The following PTGES3 variants were observed in gnomAD, a reference collection of about 807,000 sequenced individuals.
The protein encoded by PTGES3 is prostaglandin E synthase 3.
PTGES3 carries 5 observed loss-of-function variants against 29.9 expected under a neutral mutation model. The observed-to-expected ratio is 0.17, with a 90% CI of 0.09 to 0.35. The LOEUF is 0.35. Among genes scored for constraint, PTGES3 ranks in the 10% least tolerant of loss-of-function variants. PTGES3 has a pLI of 1.00. For missense variants in PTGES3, 128 were observed against 190.0 expected (o/e 0.67, Z 1.92); for synonymous variants, 49 against 57.8 (o/e 0.85, Z 0.69).
chr12:56,665,732 CCCA>C, intron 6 of PTGES3: 1 of 820,338 alleles, frequency 1.2e-6, no homozygotes, highest in Non-Finnish European at 1.5e-6. Flanking sequence ...ACCTCCGCCT[CCCA>C]GGTTCAAGCG....
intron 1 of PTGES3, 136 bp from the exon 2 acceptor site, chr12:56,673,201 A>AAC: frequency 1.8e-6 from 1 of 561,314 alleles, no homozygotes; most frequent in Non-Finnish European, 3.1e-6. Flanking sequence ...TTTTTACCCT[A>AAC]ACAGCTACAT....
At chr12:56,686,905 T>C in intron 1 of PTGES3, 2 of 397,544 alleles carry the variant, frequency 5.0e-6, no homozygotes, top group Non-Finnish European at 8.9e-6. Context: ...CTCTTCTCTC[T>C]TCTGAATGGA....
chr12:56,681,472 A>G (rs1952537959), intron 1 of PTGES3, among the ~76,000 whole-genome samples: 1 of 137,470 alleles, frequency 7.3e-6, no homozygotes, highest in South Asian at 2.5e-4. Flanking sequence ...CGGGAGGCGG[A>G]GCCTGCAGTG....
intron 1 of PTGES3, among the ~76,000 whole-genome samples, chr12:56,686,389 T>G (rs80180199): frequency 1.5e-5 from 2 of 137,152 alleles, no homozygotes; most frequent in East Asian, 4.4e-4. Flanking sequence ...TTTATTTATT[T>G]TGAGACGGGT....
At chr12:56,686,541 A>AT (rs527629277) in intron 1 of PTGES3, among the ~76,000 whole-genome samples, 161 of 151,552 alleles carry the variant, frequency 1.1e-3, no homozygotes, top group South Asian at 3.1e-3. Context: ...CGCCCGGCTA[A>AT]TTTTTTTTGT....
intron 4 of PTGES3, among the ~76,000 whole-genome samples, chr12:56,671,195 T>C (rs1382448236): frequency 6.6e-6 from 1 of 152,028 alleles, no homozygotes; most frequent in Non-Finnish European, 1.5e-5. Flanking sequence ...GCCCAGAAGT[T>C]CAAGACCAAG....
chr12:56,688,178 C>A lies in PTGES3; in HGVS notation c.-179G>T, dbSNP rs961259410. On this transcript the variant is annotated 5_prime_UTR_variant, in exon 1 of 8. Transcript: ENST00000262033. ...GCTCGACCTCGGGCCCCAGAATGCA[C>A]CGCGCGGAAAGAGCGGCTCCTCCGG... 1.5e-5 allele frequency: 18 copies of A among 1,180,090 alleles called. No homozygotes were observed. The highest frequency in any genetic ancestry group is 3.0e-4 in the Middle Eastern group (1 of 3,292). The allele number at this position is 1,180,090 out of a possible 1,614,324, so 73.1% of individuals were successfully genotyped here. A position where few individuals can be genotyped will look rare whatever the true frequency, so the allele number is the denominator to read the frequency against.
intron 1 of PTGES3, among the ~76,000 whole-genome samples, chr12:56,685,510 C>T (rs1952795338): frequency 1.3e-5 from 2 of 150,740 alleles, no homozygotes; most frequent in South Asian, 4.2e-4. Context: ...AAGCCATTCT[C>T]TTGCCTTAGC....
chr12:56,666,339 A>G (rs1277177338), intron 5 of PTGES3, 73 bp from the exon 6 acceptor site: 1 of 1,540,998 alleles, frequency 6.5e-7, no homozygotes, highest in African/African-American at 1.4e-5. Context: ...TGTATGCTTC[A>G]GAATAAACCT....
intron 1 of PTGES3, among the ~76,000 whole-genome samples, chr12:56,674,825 CAAAAAAAAAA>C (rs869222252): frequency 3.4e-3 from 55 of 16,108 alleles, no homozygotes; most frequent in East Asian, 0.012. Flanking sequence ...GACTCCATCT[CAAAAAAAAAA>C]AAAAAAAAAA....
At chr12:56,664,947 C>G (rs1215543886) in intron 6 of PTGES3, 147 bp from the exon 7 acceptor site, 1 of 1,409,328 alleles carries the variant, frequency 7.1e-7, no homozygotes, top group African/African-American at 1.5e-5. Flanking sequence ...AGTCATTGGA[C>G]TTGACTAGGT....
At chr12:56,681,155 C>T (rs1329586794) in intron 1 of PTGES3, among the ~76,000 whole-genome samples, 1 of 152,128 alleles carries the variant, frequency 6.6e-6, no homozygotes, top group Admixed American at 6.6e-5. Flanking sequence ...ATGGCTTGAT[C>T]TCGTGAACCC....
Position 56,663,786 on chromosome 12 carries a change from T to C in PTGES3, c.*693A>G, listed in dbSNP as rs919117129. The stretch of plus-strand genomic sequence containing the variant: ...AGTGCAAATACAAATCTGGACTAAA[T>C]GTACAGACTCTCAAGCAACAATGTA... On this transcript the variant is annotated 3_prime_UTR_variant, in exon 8 of 8. Transcript: ENST00000262033. 1.6e-5 allele frequency: 2 copies of C among 123,524 alleles called. No homozygotes were observed. Among genetic ancestry groups the C allele is most frequent in the Admixed American group, 8.0e-5 (1 of 12,478 alleles). The allele number at this position is 123,524 out of a possible 1,614,324, so 7.7% of individuals were successfully genotyped here. A position where few individuals can be genotyped will look rare whatever the true frequency, so the allele number is the denominator to read the frequency against.
At chr12:56,685,399 CTTTT>C (rs143526249) in intron 1 of PTGES3, among the ~76,000 whole-genome samples, 1,418 of 131,106 alleles carry the variant, frequency 0.011, 27 homozygotes, top group East Asian at 0.095. Context: ...TTTTTCTTTT[CTTTT>C]TTTTTTTTTT....
At chr12:56,687,695 C>A in intron 1 of PTGES3, 4 of 1,313,008 alleles carry the variant, frequency 3.0e-6, no homozygotes, top group Non-Finnish European at 3.9e-6. Context: ...CTACCGGGAG[C>A]TTAAGGCCTA....
At chr12:56,681,864 A>G (rs569695746) in intron 1 of PTGES3, among the ~76,000 whole-genome samples, 147 of 151,930 alleles carry the variant, frequency 9.7e-4, no homozygotes, top group African/African-American at 3.3e-3. Flanking sequence ...CTCAAAAAAA[A>G]AGAGTCTCAC....
At chr12:56,676,231 C>T (rs11171931) in intron 1 of PTGES3, among the ~76,000 whole-genome samples, 2 of 122,932 alleles carry the variant, frequency 1.6e-5, no homozygotes, top group Non-Finnish European at 3.3e-5. Flanking sequence ...GTCTCCCCCC[C>T]CAAAAAAAAA....
intron 1 of PTGES3, among the ~76,000 whole-genome samples, chr12:56,681,856 CAAAAA>C (rs1320555765): frequency 6.7e-6 from 1 of 149,156 alleles, no homozygotes; most frequent in Non-Finnish European, 1.5e-5. Flanking sequence ...GACTCCATCT[CAAAAA>C]AAAAGAGTCT....
Position 56,688,284 on chromosome 12 carries a change from G to A in PTGES3, c.-285C>T, listed in dbSNP as rs979115397. On this transcript the variant is annotated 5_prime_UTR_variant, in exon 1 of 8. Transcript: ENST00000262033. ...CGTGCGTGCAAACGAGGGGTGGTGA[G>A]GCCGGGCGGCGGCTGGTGACGCAGC... 9 of 468,344 alleles carry A rather than the reference G, an allele frequency of 1.9e-5. No individual in the cohort carries two copies. Among genetic ancestry groups the A allele is most frequent in the Admixed American group, 1.3e-4 (3 of 23,680 alleles). 29.0% of individuals were successfully genotyped at this position (468,344 alleles called of 1,614,324 possible). A position where few individuals can be genotyped will look rare whatever the true frequency, so the allele number is the denominator to read the frequency against.
Sources: allele counts gnomAD v4.1 joint callset (sites outside exome capture counted in the v4.1 genomes callset), GRCh38; gene constraint gnomAD v4.1.1; transcripts MANE v1.5; gene names NCBI Gene and HGNC (gene_info 2026-07-23, HGNC 2026-07-21).